Variants in ASIC2 observed in about 807,000 individuals in gnomAD.
ASIC2 encodes the protein acid-sensing ion channel 2.
In ASIC2, 25 loss-of-function variants were observed where a neutral mutation model predicts 57.3. The observed-to-expected ratio is 0.44, with a 90% confidence interval of 0.32 to 0.61. The LOEUF (loss-of-function observed/expected upper bound fraction) is 0.61, where lower values mean the gene tolerates loss of function less well. Ranked by LOEUF, ASIC2 falls within the 20% of genes least tolerant of loss-of-function variation. The pLI is 0.06. For synonymous variants in ASIC2, 319 were observed against 307.5 expected (o/e 1.04, Z -0.39); for missense variants, 641 against 738.1 (o/e 0.87, Z 1.52).
chr17:33,104,573 G>C (rs1016542669), intron 2 of ASIC2, among the ~76,000 whole-genome samples: 1 of 152,194 alleles, frequency 6.6e-6, no homozygotes, highest in African/African-American at 2.4e-5. Flanking sequence ...TGTTGCTTTT[G>C]TCTGTTTTCT....
chr17:33,126,710 G>A lies in ASIC2; in HGVS notation c.709-14643C>T, dbSNP rs142575502. ...CTGAGGCAGGAGAATCGCTTGAACC[G>A]GGGAGATGGAGGTTGCCGTGAGCCA... On this transcript the variant is annotated intron_variant, in intron 1 of 9. Coordinates refer to ENST00000225823, the MANE Select transcript of ASIC2 (RefSeq NM_183377.2). 4.7e-3 allele frequency among the ~76,000 whole-genome samples: 719 copies of A among 152,016 alleles called. 3 individuals carry two copies. The highest frequency in any genetic ancestry group is 0.017 in the African/African-American group (693 of 41,452).
At chr17:33,271,202 T>C (rs1904478884) in intron 1 of ASIC2, among the ~76,000 whole-genome samples, 1 of 152,086 alleles carries the variant, frequency 6.6e-6, no homozygotes, top group Non-Finnish European at 1.5e-5. Context: ...CCTCTCACCC[T>C]CCTTTGCCTG....
At chr17:33,475,685 T>C (rs566754510) in intron 1 of ASIC2, among the ~76,000 whole-genome samples, 2 of 152,214 alleles carry the variant, frequency 1.3e-5, no homozygotes, top group Non-Finnish European at 2.9e-5. Context: ...CCAAGTCTTT[T>C]GCAGCTCCTC....
Position 33,677,466 on chromosome 17 carries a change from G to C in ASIC2, c.555+478512C>G, listed in dbSNP as rs546742924. Among the ~76,000 whole-genome samples the C allele has an allele frequency of 8.5e-5, 13 of 152,314 alleles. No homozygotes were observed. In the East Asian group the frequency reaches 2.5e-3, roughly 29 times the overall value. Reference sequence around the variant, plus strand: ...TATAAAGCTATAGCTGCCATAGATAGTAATTCCCCTGATGAATCCGGGCAA... The same window carrying C: ...TATAAAGCTATAGCTGCCATAGATACTAATTCCCCTGATGAATCCGGGCAA... On this transcript the variant is annotated intron_variant, in intron 1 of 9. Coordinates refer to the ASIC2 transcript ENST00000359872.
chr17:33,901,486 T>A (rs1915230512), intron 1 of ASIC2, among the ~76,000 whole-genome samples: 1 of 152,062 alleles, frequency 6.6e-6, no homozygotes, highest in African/African-American at 2.4e-5. Context: ...CCTCCCTTAT[T>A]CCTCTTTTTC....
intron 1 of ASIC2, among the ~76,000 whole-genome samples, chr17:33,996,705 A>C (rs1440622413): frequency 2.0e-5 from 3 of 152,124 alleles, no homozygotes; most frequent in Non-Finnish European, 4.4e-5. Context: ...ATTCTGTTAC[A>C]TTGGTTTAGA....
chr17:33,451,352 C>T (rs531900482), intron 1 of ASIC2, among the ~76,000 whole-genome samples: 8 of 152,224 alleles, frequency 5.3e-5, no homozygotes, highest in African/African-American at 9.6e-5. Flanking sequence ...CTACCGTACC[C>T]GGCTGTACAA....
intron 3 of ASIC2, among the ~76,000 whole-genome samples, chr17:33,050,058 C>T (rs1234724876): frequency 2.0e-5 from 3 of 152,142 alleles, no homozygotes; most frequent in African/African-American, 7.2e-5. Flanking sequence ...AAAATGCTAT[C>T]GGGTAAGCCT....
chr17:34,153,215 A>C (rs1904591665), intron 1 of ASIC2, among the ~76,000 whole-genome samples: 1 of 152,204 alleles, frequency 6.6e-6, no homozygotes, highest in Admixed American at 6.5e-5. Flanking sequence ...TTCATAGAAA[A>C]AGAAATACAG....
At chr17:33,506,573 G>T (rs554470005) in intron 1 of ASIC2, among the ~76,000 whole-genome samples, 65 of 151,760 alleles carry the variant, frequency 4.3e-4, no homozygotes, top group South Asian at 8.4e-4. Flanking sequence ...TAATTATGGG[G>T]GTGTGTGTGT....
At chr17:33,607,672 C>T (rs930749811) in intron 1 of ASIC2, among the ~76,000 whole-genome samples, 27 of 152,224 alleles carry the variant, frequency 1.8e-4, no homozygotes, top group Admixed American at 1.4e-3. Flanking sequence ...TGCCTTGTGA[C>T]TCTCCATCAG....
chr17:33,678,317 G>A (rs1907890073), intron 1 of ASIC2, among the ~76,000 whole-genome samples: 1 of 151,844 alleles, frequency 6.6e-6, no homozygotes, highest in African/African-American at 2.4e-5. Flanking sequence ...ACTTTATTGT[G>A]GTGATCTGGA....
chr17:33,535,829 C>T (rs981740322), intron 1 of ASIC2, among the ~76,000 whole-genome samples: 4 of 152,272 alleles, frequency 2.6e-5, no homozygotes, highest in South Asian at 2.1e-4. Context: ...TGAATGACCA[C>T]GTGAAACAGA....
At chr17:33,584,815 C>T (rs73984027) in intron 1 of ASIC2, among the ~76,000 whole-genome samples, 2 of 151,890 alleles carry the variant, frequency 1.3e-5, no homozygotes, top group Admixed American at 6.6e-5. Context: ...AGTGCTGAGC[C>T]GGAGAGGGGA....
chr17:33,567,266 G>A (rs1916263623), intron 1 of ASIC2, among the ~76,000 whole-genome samples: 2 of 152,098 alleles, frequency 1.3e-5, no homozygotes. Context: ...TTCTAGCAGA[G>A]GGAACAGAAA....
At chr17:33,750,806 T>C (rs755889844) in intron 1 of ASIC2, among the ~76,000 whole-genome samples, 1 of 152,126 alleles carries the variant, frequency 6.6e-6, no homozygotes, top group Non-Finnish European at 1.5e-5. Flanking sequence ...TCCTTCCTAC[T>C]TACACCCAAC....
chr17:33,681,573 A>G (rs528683451), intron 1 of ASIC2, among the ~76,000 whole-genome samples: 8 of 152,290 alleles, frequency 5.3e-5, no homozygotes, highest in South Asian at 4.1e-4. Flanking sequence ...TAATTTTCCA[A>G]TGATGCCCAA....
chr17:33,414,042 A>C (rs1264115814), intron 1 of ASIC2, among the ~76,000 whole-genome samples: 1 of 152,222 alleles, frequency 6.6e-6, no homozygotes, highest in Non-Finnish European at 1.5e-5. Flanking sequence ...CTGAGCTTGC[A>C]GTAGCCCGAG....
chr17:34,039,671 C>T, intron 1 of ASIC2: 1 of 1,612,618 alleles, frequency 6.2e-7, no homozygotes, highest in Middle Eastern at 1.7e-4. Context: ...TCATATGGTT[C>T]AGCTTTTCTT....
Sources: gnomAD v4.1 joint callset for allele counts (sites outside exome capture counted in the v4.1 genomes callset) on GRCh38, gnomAD v4.1.1 for gene constraint, MANE v1.5 for transcripts, NCBI Gene and HGNC (gene_info 2026-07-23, HGNC 2026-07-21) for gene names.